Variants in PRKN observed in about 807,000 individuals in gnomAD.
PRKN encodes parkin RBR E3 ubiquitin protein ligase.
Under a neutral mutation model 59.5 loss-of-function variants are expected in PRKN, and 56 were observed. The observed-to-expected ratio is 0.94, with a 90% CI of 0.76 to 1.18. The LOEUF (loss-of-function observed/expected upper bound fraction) is 1.18, where lower values mean the gene tolerates loss of function less well. PRKN is among the 50% of genes most tolerant of loss of function. The pLI is 0.00. For synonymous variants in PRKN, 250 were observed against 222.1 expected (o/e 1.13, Z -1.12); for missense variants, 657 against 596.4 (o/e 1.10, Z -1.06).
At chr6:162,726,056 T>C (rs1779162511) in intron 1 of PRKN, among the ~76,000 whole-genome samples, 1 of 152,184 alleles carries the variant, frequency 6.6e-6, no homozygotes, top group South Asian at 2.1e-4. Flanking sequence ...TTCTTCCTTA[T>C]TGGAAGAATT....
chr6:162,071,271 C>T (rs1251474495), intron 4 of PRKN, among the ~76,000 whole-genome samples: 2 of 150,732 alleles, frequency 1.3e-5, no homozygotes, highest in African/African-American at 2.4e-5. Flanking sequence ...TAGATCAGCT[C>T]TTCTTAGCCT....
At chr6:162,068,301 A>G (rs1482144025) in intron 4 of PRKN, among the ~76,000 whole-genome samples, 1 of 152,200 alleles carries the variant, frequency 6.6e-6, no homozygotes, top group Non-Finnish European at 1.5e-5. Context: ...TATCTCAGAA[A>G]TCATATGAGA....
At chr6:161,724,527 G>T (rs926306586) in intron 7 of PRKN, among the ~76,000 whole-genome samples, 2 of 152,182 alleles carry the variant, frequency 1.3e-5, no homozygotes, top group Non-Finnish European at 2.9e-5. Flanking sequence ...TGCAATTTCT[G>T]CTCAAATTTT....
At chr6:161,785,526 A>T (rs548867609) in intron 7 of PRKN, among the ~76,000 whole-genome samples, 2 of 152,320 alleles carry the variant, frequency 1.3e-5, no homozygotes, top group Admixed American at 6.5e-5. Context: ...ACCTTGGCTG[A>T]ATAATATTGA....
chr6:161,536,621 A>G (rs926725746), intron 9 of PRKN, among the ~76,000 whole-genome samples: 2 of 152,170 alleles, frequency 1.3e-5, no homozygotes, highest in African/African-American at 4.8e-5. Flanking sequence ...TGTACAGGGA[A>G]GGTGCATAGC....
At position 162,185,771 on chromosome 6, in the gene PRKN, C is replaced by G. The variant is rs143430071; in HGVS notation, c.534+15360G>C. 1.0e-3 allele frequency among the ~76,000 whole-genome samples: 153 copies of G among 152,096 alleles called. 1 individual carries two copies. Among genetic ancestry groups the G allele is most frequent in the African/African-American group, 3.4e-3 (139 of 41,484 alleles). On this transcript the variant is annotated intron_variant, in intron 4 of 11. Transcript: ENST00000366898. ...ATCCATGGCCTCAACAAAGATGGAG[C>G]CTTCAAAACATAAATCAAAGAAAAA...
At chr6:161,855,607 AATG>A (rs1793618730) in intron 6 of PRKN, among the ~76,000 whole-genome samples, 1 of 38,724 alleles carries the variant, frequency 2.6e-5, no homozygotes, top group African/African-American at 8.2e-5. Flanking sequence ...TACTGACAAC[AATG>A]TTATGCTATA....
intron 4 of PRKN, among the ~76,000 whole-genome samples, chr6:162,160,411 G>A (rs900750743): frequency 5.3e-5 from 8 of 152,172 alleles, no homozygotes; most frequent in African/African-American, 1.9e-4. Flanking sequence ...GACTAGAGGA[G>A]TGAAAGGAAG....
intron 7 of PRKN, among the ~76,000 whole-genome samples, chr6:161,666,345 C>T (rs943581515): frequency 2.0e-5 from 3 of 152,202 alleles, no homozygotes; most frequent in Admixed American, 6.5e-5. Flanking sequence ...GTGAACTACA[C>T]ATGCATGGGA....
chr6:162,646,545 A>G (rs930083541), intron 1 of PRKN, among the ~76,000 whole-genome samples: 3 of 152,072 alleles, frequency 2.0e-5, no homozygotes, highest in African/African-American at 4.8e-5. Context: ...TGGCCTCCCA[A>G]ACTGCTTGGA....
rs562709636 is a variant in PRKN, at chr6:162,708,900, A to G, written c.7+18762T>C. The stretch of plus-strand genomic sequence containing the variant: ...AGGTGAGTGGTGGGCAAGCGGAGCC[A>G]GTAAACCTTCCTCTGTATTTACAGG... On this transcript the variant is annotated intron_variant, in intron 1 of 11. Transcript: ENST00000366898. Among the ~76,000 whole-genome samples, 3 of 152,330 alleles carry G rather than the reference A, an allele frequency of 2.0e-5. No homozygotes were observed. In the East Asian group the frequency reaches 5.8e-4, roughly 29 times the overall value.
rs541050753 is a variant in PRKN, at chr6:161,786,003, G to GC, written c.735-96_735-95insG. 1.2e-3 allele frequency: 1,491 copies of GC among 1,246,278 alleles called. 14 individuals are homozygous for GC. The African/African-American group carries it at 0.017, about 14-fold the overall frequency. 77.2% of individuals were successfully genotyped at this position (1,246,278 alleles called of 1,614,324 possible). A position where few individuals can be genotyped will look rare whatever the true frequency, so the allele number is the denominator to read the frequency against. Reference sequence around the variant, plus strand: ...AATTTCTGTAATCCTGGAGGGTTGTGTAGACTGTGCTCTGTGCAAAGACCG... The same window carrying GC: ...AATTTCTGTAATCCTGGAGGGTTGTGCTAGACTGTGCTCTGTGCAAAGACCG... On this transcript the variant is annotated intron_variant, in intron 6 of 11. Transcript: ENST00000366898.
At chr6:162,715,141 C>G (rs1778675594) in intron 1 of PRKN, among the ~76,000 whole-genome samples, 1 of 152,154 alleles carries the variant, frequency 6.6e-6, no homozygotes, top group Non-Finnish European at 1.5e-5. Context: ...CATCTCAACA[C>G]CTGATGGGAT....
At chr6:162,263,910 C>T (rs1780010666) in intron 2 of PRKN, among the ~76,000 whole-genome samples, 1 of 148,458 alleles carries the variant, frequency 6.7e-6, no homozygotes, top group African/African-American at 2.5e-5. Flanking sequence ...AAAATAATAT[C>T]TACTACATAG....
intron 3 of PRKN, among the ~76,000 whole-genome samples, chr6:162,241,592 A>G (rs118061842): frequency 2.6e-3 from 395 of 152,222 alleles, no homozygotes; most frequent in Non-Finnish European, 4.2e-3. Context: ...AAAAAGAAAC[A>G]TTGTCACTTT....
intron 2 of PRKN, chr6:162,271,539 T>C (rs1305380841): frequency 2.0e-5 from 3 of 147,144 alleles, no homozygotes; most frequent in African/African-American, 5.1e-5. Flanking sequence ...CGAGACTCCG[T>C]CTCAAAAAAA....
chr6:162,645,956 G>C (rs564478243), intron 1 of PRKN, among the ~76,000 whole-genome samples: 223 of 143,016 alleles, frequency 1.6e-3, no homozygotes, highest in Non-Finnish European at 2.7e-3. Context: ...CTCACTGCAA[G>C]CTCCACCTCC....
intron 1 of PRKN, among the ~76,000 whole-genome samples, chr6:162,701,132 G>C (rs1452964602): frequency 6.6e-6 from 1 of 152,124 alleles, no homozygotes; most frequent in African/African-American, 2.4e-5. Context: ...TGTCTATTCA[G>C]ATATACCAGT....
intron 1 of PRKN, among the ~76,000 whole-genome samples, chr6:162,530,595 A>G (rs1222990538): frequency 1.3e-5 from 2 of 152,162 alleles, no homozygotes; most frequent in African/African-American, 2.4e-5. Flanking sequence ...GCAGAAATAC[A>G]TCTACCACTT....
Sources: gnomAD v4.1 joint callset for allele counts (sites outside exome capture counted in the v4.1 genomes callset) on GRCh38, gnomAD v4.1.1 for gene constraint, MANE v1.5 for transcripts, NCBI Gene and HGNC (gene_info 2026-07-23, HGNC 2026-07-21) for gene names.